Variants in TENT4A observed in about 807,000 individuals in gnomAD.
The protein encoded by TENT4A is terminal nucleotidyltransferase 4A.
A neutral mutation model predicts 72.8 loss-of-function variants in TENT4A; 7 were observed. The ratio of observed to expected loss-of-function variants is 0.10; its 90% CI spans 0.05 to 0.18. The LOEUF (loss-of-function observed/expected upper bound fraction) is 0.18. TENT4A is among the 10% of genes least tolerant of loss of function. TENT4A has a pLI of 1.00. For synonymous variants in TENT4A, 456 were observed against 434.3 expected (o/e 1.05, Z -0.62); for missense variants, 831 against 1,017.7 (o/e 0.82, Z 2.50).
At chr5:6,731,772 A>G (rs1741226961) in intron 1 of TENT4A, among the ~76,000 whole-genome samples, 1 of 152,082 alleles carries the variant, frequency 6.6e-6, no homozygotes, top group African/African-American at 2.4e-5. Context: ...CTTTCCCTTA[A>G]ACATCCAGTG....
At chr5:6,715,822 A>G (rs1427934001) in intron 1 of TENT4A, among the ~76,000 whole-genome samples, 8 of 152,232 alleles carry the variant, frequency 5.3e-5, no homozygotes, top group Non-Finnish European at 1.0e-4. Context: ...CTTGGGCTAC[A>G]AGCGATACCT....
intron 1 of TENT4A, among the ~76,000 whole-genome samples, chr5:6,715,580 T>A (rs985063939): frequency 6.6e-6 from 1 of 152,168 alleles, no homozygotes; most frequent in Non-Finnish European, 1.5e-5. Flanking sequence ...CCTTGCACAA[T>A]TTTTCCCCCC....
intron 1 of TENT4A, among the ~76,000 whole-genome samples, chr5:6,722,547 G>GT (rs55840324): frequency 0.58 from 71,595 of 123,140 alleles, 20,889 homozygotes; most frequent in African/African-American, 0.63. Context: ...GCATTTGTTA[G>GT]TTTTTTTTTT....
At chr5:6,720,869 C>T (rs1453928571) in intron 1 of TENT4A, among the ~76,000 whole-genome samples, 1 of 151,836 alleles carries the variant, frequency 6.6e-6, no homozygotes, top group Non-Finnish European at 1.5e-5. Flanking sequence ...CCTCTGGAAC[C>T]CAGTTCTCTT....
intron 1 of TENT4A, among the ~76,000 whole-genome samples, chr5:6,726,834 GTTGC>G (rs1419921430): frequency 1.3e-5 from 2 of 152,234 alleles, no homozygotes; most frequent in African/African-American, 2.4e-5. Context: ...TGCTGTCTCA[GTTGC>G]TTGCTTGAGG....
Position 6,754,902 on chromosome 5 carries a change from AC to A in TENT4A, c.2337del (p.His779GlnfsTer10). 2 of 1,602,472 alleles carry A rather than the reference AC, an allele frequency of 1.2e-6. No individual in the cohort carries two copies. Among genetic ancestry groups the A allele is most frequent in the South Asian group, 1.1e-5 (1 of 90,510 alleles). ...YNRTGWRRKK[H>X]THTRDSLPVS... ...CGCACCGGCTGGAGGAGGAAAAAAC[AC>A]ACACACACACGGGACAGTCTGCCCG... On this transcript the variant is annotated frameshift_variant, in exon 13 of 13. Transcript: ENST00000230859. LOFTEE classifies it high-confidence loss of function.
chr5:6,727,172 G>A (rs567661833), intron 1 of TENT4A, among the ~76,000 whole-genome samples: 2 of 152,098 alleles, frequency 1.3e-5, no homozygotes, highest in Admixed American at 6.5e-5. Context: ...GTGATCTTCC[G>A]TGCTGGGCTC....
chr5:6,731,041 G>T (rs532759958), intron 1 of TENT4A, among the ~76,000 whole-genome samples: 8 of 152,168 alleles, frequency 5.3e-5, no homozygotes, highest in Admixed American at 5.2e-4. Flanking sequence ...AGTAGTGTCT[G>T]AATCAGTTGT....
chr5:6,717,373 A>T (rs1740440461), intron 1 of TENT4A, among the ~76,000 whole-genome samples: 1 of 152,230 alleles, frequency 6.6e-6, no homozygotes. Flanking sequence ...TCATGGGAGG[A>T]TGAGCCTGCT....
intron 6 of TENT4A, among the ~76,000 whole-genome samples, chr5:6,744,723 G>GTTCTA (rs1400117659): frequency 6.6e-6 from 1 of 152,206 alleles, no homozygotes; most frequent in Non-Finnish European, 1.5e-5. Flanking sequence ...TTTTCTTACA[G>GTTCTA]TTCTAGTCAC....
chr5:6,720,670 G>T (rs971649489), intron 1 of TENT4A, among the ~76,000 whole-genome samples: 27 of 138,508 alleles, frequency 1.9e-4, no homozygotes, highest in African/African-American at 7.3e-4. Context: ...GCGAGACTCT[G>T]TCTCAAAATA....
At position 6,743,804 on chromosome 5, in the gene TENT4A, A is replaced by T; in HGVS notation, c.1209A>T (p.Ser403=). 6.2e-7 allele frequency: 1 copy of T among 1,613,940 alleles called. No individual in the cohort carries two copies. Among genetic ancestry groups the T allele is most frequent in the Middle Eastern group, 1.6e-4 (1 of 6,062 alleles). Reference sequence around the variant, plus strand: ...AAGTTTTTACAGGTGGAATTAGCTCATACAGCCTAATTTTAATGGCCATTA... The same window carrying T: ...AAGTTTTTACAGGTGGAATTAGCTCTTACAGCCTAATTTTAATGGCCATTA... ...LNEVFTGGIS[S]YSLILMAISF... is the part of the protein sequence containing the mutation. Residue 403 remains serine, a synonymous_variant, in exon 6 of 13, where the codon TCA becomes TCT. Transcript: ENST00000230859.
rs1740245924 is a variant in TENT4A, at chr5:6,714,289, G to C, written c.306G>C (p.Leu102Phe). Residue 102 changes from leucine (L) to phenylalanine (F), a missense_variant, in exon 1 of 13, where the codon TTG becomes TTC. Physicochemically the swap from Leu to Phe is conservative, Grantham distance 22. Coordinates refer to ENST00000230859, the MANE Select transcript of TENT4A (RefSeq NM_006999.6). ...CCGCGGCCGAGGGCGCGCGGCGCTT[G>C]CACAAGTCGCCGTCGCTGTCGTCCT... ...LGPAAEGARRLHKSPSLSSSS... is the reference protein window; with the variant it reads ...LGPAAEGARRFHKSPSLSSSS... 3 of 1,086,854 alleles carry C rather than the reference G, an allele frequency of 2.8e-6. No homozygotes were observed. Among genetic ancestry groups the C allele is most frequent in the Non-Finnish European group, 3.3e-6 (3 of 896,806 alleles). The allele number at this position is 1,086,854 out of a possible 1,614,324, so 67.3% of individuals were successfully genotyped here. A position where few individuals can be genotyped will look rare whatever the true frequency, so the allele number is the denominator to read the frequency against.
chr5:6,728,436 C>G (rs1000345524), intron 1 of TENT4A, among the ~76,000 whole-genome samples: 1 of 152,140 alleles, frequency 6.6e-6, no homozygotes, highest in Non-Finnish European at 1.5e-5. Flanking sequence ...GGTTGGGGCA[C>G]TTGGGAGAAC....
chr5:6,720,773 C>T (rs1362407879), intron 1 of TENT4A, among the ~76,000 whole-genome samples: 1 of 152,064 alleles, frequency 6.6e-6, no homozygotes, highest in Non-Finnish European at 1.5e-5. Context: ...ATTGAAAAGT[C>T]CTGTTCACGA....
chr5:6,744,200 A>G (rs1455029998), intron 6 of TENT4A, among the ~76,000 whole-genome samples: 1 of 152,250 alleles, frequency 6.6e-6, no homozygotes, highest in Non-Finnish European at 1.5e-5. Flanking sequence ...TTGTCTCAGA[A>G]TAAAGTTGAG....
intron 2 of TENT4A, 76 bp downstream of exon 2, chr5:6,737,709 C>T (rs1454027830): frequency 1.8e-5 from 27 of 1,486,894 alleles, no homozygotes; most frequent in South Asian, 2.5e-5. Context: ...GATGATGTGT[C>T]GGCTAGATCC....
Position 6,714,678 on chromosome 5 carries a change from C to T in TENT4A, c.695C>T (p.Ala232Val). The part of the protein sequence containing the change: ...PRPGTPWKSR[A>V]YSPGIQGLHE... Reference sequence around the variant, plus strand: ...CCCGGCACCCCGTGGAAGAGCCGCGCGTACAGCCCGGGCATCCAGGGGTGA... The same window carrying T: ...CCCGGCACCCCGTGGAAGAGCCGCGTGTACAGCCCGGGCATCCAGGGGTGA... Residue 232 changes from alanine (A) to valine (V), a missense_variant, in exon 1 of 13, where the codon GCG becomes GTG. Around this residue, in one of 3 missense-constraint regions of TENT4A, gnomAD observed 302 missense variants for 293.8 expected, o/e 1.03. Transcript: ENST00000230859. 8.4e-7 allele frequency: 1 copy of T among 1,195,770 alleles called. No homozygotes were observed. The highest frequency in any genetic ancestry group is 1.0e-6 in the Non-Finnish European group (1 of 964,642). 74.1% of individuals were successfully genotyped at this position (1,195,770 alleles called of 1,614,324 possible). A position where few individuals can be genotyped will look rare whatever the true frequency, so the allele number is the denominator to read the frequency against.
intron 9 of TENT4A, 55 bp from the exon 10 acceptor site, chr5:6,750,276 C>T (rs777037888): frequency 1.8e-5 from 27 of 1,476,068 alleles, no homozygotes; most frequent in Non-Finnish European, 2.1e-5. Context: ...GCTGCCGGGG[C>T]GGCTCCACGC....
Sources: allele counts gnomAD v4.1 joint callset (sites outside exome capture counted in the v4.1 genomes callset), GRCh38; gene constraint gnomAD v4.1.1; regional missense constraint gnomAD v4.1.1; transcripts MANE v1.5; gene names NCBI Gene and HGNC (gene_info 2026-07-23, HGNC 2026-07-21).